Variants in SLC25A16 observed in about 807,000 individuals in gnomAD.
The protein encoded by SLC25A16 is mitochondrial coenzyme A transporter SLC25A16.
In SLC25A16, 39 loss-of-function variants were observed where a neutral mutation model predicts 41.5. That is an observed-to-expected ratio of 0.94 (90% CI 0.73 to 1.23). The LOEUF is 1.23. Ranked by LOEUF, SLC25A16 falls within the 50% of genes most tolerant of loss-of-function variation. SLC25A16 has a pLI of 0.00. For missense variants in SLC25A16, 421 were observed against 426.9 expected (o/e 0.99, Z 0.12); for synonymous variants, 146 against 147.8 (o/e 0.99, Z 0.09).
rs10544543 is a variant in SLC25A16 at position 68,480,490 on chromosome 10, C to CTTTTT, written c.*2937_*2941dup. 1.4e-5 allele frequency: 1 copy of CTTTTT among 69,460 alleles called. No individual in the cohort carries two copies. The allele number at this position is 69,460 out of a possible 1,614,324, so 4.3% of individuals were successfully genotyped here. On this transcript the variant is annotated 3_prime_UTR_variant, in exon 9 of 9. Transcript: ENST00000609923. ...TTTACTGATAACCTAACTGAGGTAT[C>CTTTTT]TTTTTTTTTTTTTTTTTTTTTTTTG...
At chr10:68,501,186 G>A (rs2052837903) in intron 4 of SLC25A16, among the ~76,000 whole-genome samples, 1 of 151,854 alleles carries the variant, frequency 6.6e-6, no homozygotes, top group Non-Finnish European at 1.5e-5. Context: ...AGGAGGTGGG[G>A]GTTGCAGCGA....
In SLC25A16 at chr10:68,481,477, T is replaced by A. The variant is rs896123172; in HGVS notation, c.*1955A>T. 2 of 152,148 alleles carry A rather than the reference T, an allele frequency of 1.3e-5. No homozygotes were observed. The highest frequency in any genetic ancestry group is 2.9e-5 in the Non-Finnish European group (2 of 68,020). The allele number at this position is 152,148 out of a possible 1,614,324, so 9.4% of individuals were successfully genotyped here. A position where few individuals can be genotyped will look rare whatever the true frequency, so the allele number is the denominator to read the frequency against. ...TTTCAACTTAGTTTTCCTTCTTTTG[T>A]TTGAAAGAAACGGGGTCTCACTATG... On this transcript the variant is annotated 3_prime_UTR_variant, in exon 9 of 9. Transcript: ENST00000609923.
intron 4 of SLC25A16, among the ~76,000 whole-genome samples, chr10:68,502,264 G>A (rs1269646246): frequency 6.6e-6 from 1 of 151,658 alleles, no homozygotes; most frequent in African/African-American, 2.4e-5. Context: ...CTTAGAACGG[G>A]GAGAAAATTT....
intron 1 of SLC25A16, among the ~76,000 whole-genome samples, chr10:68,521,126 C>G (rs1470750159): frequency 7.1e-6 from 1 of 141,762 alleles, no homozygotes; most frequent in Non-Finnish European, 1.5e-5. Flanking sequence ...AAGTGAGACT[C>G]CGTCTCCAAA....
rs1196027958 is a variant in SLC25A16 at position 68,505,654 on chromosome 10, A to T, written c.357+931T>A. Among the ~76,000 whole-genome samples the T allele has an allele frequency of 1.3e-5, 2 of 151,980 alleles. 1 individual carries two copies. The highest frequency in any genetic ancestry group is 3.9e-4 in the East Asian group (2 of 5,176). ...AGGAATGGTGGTGCATGCCTGTAAGAATCTGGGAGGCAGAGATTGCAGTGA... is the reference window on the plus strand; with the variant it reads ...AGGAATGGTGGTGCATGCCTGTAAGTATCTGGGAGGCAGAGATTGCAGTGA... On this transcript the variant is annotated intron_variant, in intron 3 of 8. Coordinates refer to ENST00000609923, the MANE Select transcript of SLC25A16 (RefSeq NM_152707.4).
chr10:68,520,577 C>T (rs777419702), intron 1 of SLC25A16, among the ~76,000 whole-genome samples: 2 of 151,636 alleles, frequency 1.3e-5, no homozygotes, highest in African/African-American at 4.8e-5. Context: ...TTTGGAAGTC[C>T]GAGGCAGGCA....
At chr10:68,520,834 C>T (rs1475285195) in intron 1 of SLC25A16, among the ~76,000 whole-genome samples, 1 of 134,288 alleles carries the variant, frequency 7.4e-6, no homozygotes, top group Non-Finnish European at 1.6e-5. Context: ...AAAAAAAATA[C>T]AAAAATTAGC....
chr10:68,519,681 G>A (rs1037012313), intron 1 of SLC25A16, among the ~76,000 whole-genome samples: 5 of 151,790 alleles, frequency 3.3e-5, no homozygotes, highest in South Asian at 4.2e-4. Context: ...TTGGGAGGCC[G>A]AGGTGGGCAG....
intron 3 of SLC25A16, 120 bp from the exon 4 acceptor site, chr10:68,503,815 A>C: frequency 4.3e-6 from 3 of 690,774 alleles, no homozygotes; most frequent in South Asian, 1.8e-5. Flanking sequence ...TTAATAATAA[A>C]TGTGAACGAA....
intron 1 of SLC25A16, 73 bp from the exon 2 acceptor site, chr10:68,516,916 G>C: frequency 7.9e-7 from 1 of 1,266,810 alleles, no homozygotes; most frequent in Non-Finnish European, 1.1e-6. Flanking sequence ...TAGTTGTTCA[G>C]CCAGCAAACC....
At chr10:68,515,993 A>G (rs573150681) in intron 2 of SLC25A16, among the ~76,000 whole-genome samples, 8 of 152,296 alleles carry the variant, frequency 5.3e-5, no homozygotes, top group Admixed American at 5.2e-4. Flanking sequence ...AAGGATTATA[A>G]TGGATAAGAA....
At position 68,501,571 on chromosome 10, in the gene SLC25A16, A is replaced by T. The variant is rs545368849; in HGVS notation, c.421+2061T>A. On this transcript the variant is annotated intron_variant, in intron 4 of 8. Coordinates refer to ENST00000609923, the MANE Select transcript of SLC25A16 (RefSeq NM_152707.4). Reference sequence around the variant, plus strand: ...GGAGAGAATGAGGGGAGGGGAGAGGAGGGGAGGGAAGAGGAGGGAAGGGAA... The same window carrying T: ...GGAGAGAATGAGGGGAGGGGAGAGGTGGGGAGGGAAGAGGAGGGAAGGGAA... Among the ~76,000 whole-genome samples the T allele has an allele frequency of 2.1e-5, 3 of 139,866 alleles. No homozygotes were observed. The South Asian group carries it at 7.7e-4, about 36-fold the overall frequency. The allele number at this position is 139,866 out of a possible 152,430, so 91.8% of individuals were successfully genotyped here. A position where few individuals can be genotyped will look rare whatever the true frequency, so the allele number is the denominator to read the frequency against.
chr10:68,506,541 T>G, intron 3 of SLC25A16, 44 bp downstream of exon 3: 2 of 1,418,152 alleles, frequency 1.4e-6, no homozygotes, highest in South Asian at 1.4e-5. Context: ...CAAGCATGCA[T>G]GATATTCAAG....
In SLC25A16 at chr10:68,527,418, GAACACCGGAC is replaced by G; in HGVS notation, c.-53_-44del. 7.0e-7 allele frequency: 1 copy of G among 1,436,638 alleles called. No individual in the cohort carries two copies. The highest frequency in any genetic ancestry group is 9.0e-7 in the Non-Finnish European group (1 of 1,105,708). The allele number at this position is 1,436,638 out of a possible 1,614,324, so 89.0% of individuals were successfully genotyped here. A position where few individuals can be genotyped will look rare whatever the true frequency, so the allele number is the denominator to read the frequency against. The stretch of plus-strand genomic sequence containing the variant: ...CAGGAGCCTAGGTTGCCAACTTACA[GAACACCGGAC>G]GGGACCATAGCCGGAACAGGCGGTG... On this transcript the variant is annotated 5_prime_UTR_variant, in exon 1 of 9. The change abolishes the stop of an existing upstream ORF in the 5' untranslated region. Transcript: ENST00000609923.
chr10:68,490,487 C>A (rs771808166), intron 6 of SLC25A16, among the ~76,000 whole-genome samples: 2 of 151,836 alleles, frequency 1.3e-5, no homozygotes, highest in African/African-American at 4.8e-5. Flanking sequence ...GGATTACAGG[C>A]GTGCGCCACC....
At chr10:68,506,116 T>C (rs2052949189) in intron 3 of SLC25A16, among the ~76,000 whole-genome samples, 2 of 152,220 alleles carry the variant, frequency 1.3e-5, no homozygotes, top group Non-Finnish European at 2.9e-5. Flanking sequence ...AGACAAGTTA[T>C]ATTTAAAATC....
intron 4 of SLC25A16, among the ~76,000 whole-genome samples, chr10:68,495,781 C>A (rs1431632682): frequency 2.5e-3 from 227 of 89,562 alleles, no homozygotes; most frequent in South Asian, 3.0e-3. Flanking sequence ...GACTATGTCT[C>A]AAAAAAAAAA....
rs2052476656 is a variant in SLC25A16, at chr10:68,480,839, C to A, written c.*2593G>T. 6.6e-6 allele frequency: 1 copy of A among 151,152 alleles called. No individual in the cohort carries two copies. The highest frequency in any genetic ancestry group is 1.5e-5 in the Non-Finnish European group (1 of 67,902). The allele number at this position is 151,152 out of a possible 1,614,324, so 9.4% of individuals were successfully genotyped here. ...CTTAAATTATCTTAACATTTAATAA[C>A]AATAATTAGCTACAGTGTGGTCTAG... On this transcript the variant is annotated 3_prime_UTR_variant, in exon 9 of 9. Coordinates refer to ENST00000609923, the MANE Select transcript of SLC25A16 (RefSeq NM_152707.4).
intron 4 of SLC25A16, among the ~76,000 whole-genome samples, chr10:68,500,889 T>C (rs937802179): frequency 2.6e-5 from 4 of 151,308 alleles, no homozygotes; most frequent in Non-Finnish European, 4.4e-5. Context: ...TGAGATTCCA[T>C]CACTGCACTC....
Sources: gnomAD v4.1 joint callset for allele counts (sites outside exome capture counted in the v4.1 genomes callset) on GRCh38, gnomAD v4.1.1 for gene constraint, MANE v1.5 for transcripts, NCBI Gene and HGNC (gene_info 2026-07-23, HGNC 2026-07-21) for gene names.